The following MIPEP variants were observed in gnomAD, a reference collection of about 807,000 sequenced individuals.
The protein encoded by MIPEP is mitochondrial intermediate peptidase.
In MIPEP, 79 loss-of-function variants were observed where a neutral mutation model predicts 90.3. The observed-to-expected ratio is 0.87, with a 90% CI of 0.73 to 1.05. The LOEUF (loss-of-function observed/expected upper bound fraction) is 1.05, where lower values mean the gene tolerates loss of function less well. Ranked by LOEUF, MIPEP falls within the 50% of genes least tolerant of loss-of-function variation. MIPEP has a pLI of 0.00. For synonymous variants in MIPEP, 334 were observed against 315.8 expected, an observed-to-expected ratio of 1.06 and a Z score of -0.61; for missense variants, 940 against 905.6, an observed-to-expected ratio of 1.04 and a Z score of -0.49.
rs1248530979 is a variant in MIPEP at position 23,874,928 on chromosome 13, C to A, written c.540-19G>T. The A allele has an allele frequency of 6.3e-7, 1 of 1,577,010 alleles. No homozygotes were observed. Among genetic ancestry groups the A allele is most frequent in the African/African-American group, 1.4e-5 (1 of 72,288 alleles). On this transcript the variant is annotated intron_variant, in intron 4 of 18. Transcript: ENST00000382172. ...CACTCGCCTATAAATGAAATGAGCC[C>A]CAGGTTATAACAGGTAATAAAAATT...
At chr13:23,828,906 T>A (rs558115056) in intron 14 of MIPEP, among the ~76,000 whole-genome samples, 76 of 152,122 alleles carry the variant, frequency 5.0e-4, no homozygotes, top group African/African-American at 1.7e-3. Flanking sequence ...TATCAAGGCT[T>A]ATTATTACTT....
chr13:23,887,712 G>A (rs1388164500), intron 1 of MIPEP, among the ~76,000 whole-genome samples: 1 of 152,176 alleles, frequency 6.6e-6, no homozygotes, highest in African/African-American at 2.4e-5. Flanking sequence ...TCACTTTGTA[G>A]GTGCTTAACG....
At chr13:23,885,103 T>G (rs143060003) in intron 2 of MIPEP, among the ~76,000 whole-genome samples, 7 of 152,314 alleles carry the variant, frequency 4.6e-5, no homozygotes, top group African/African-American at 1.7e-4. Flanking sequence ...TTACACACAA[T>G]GGAATGCTAT....
At chr13:23,876,767 TTC>T (rs1871091186) in intron 4 of MIPEP, among the ~76,000 whole-genome samples, 1 of 152,202 alleles carries the variant, frequency 6.6e-6, no homozygotes, top group Non-Finnish European at 1.5e-5. Flanking sequence ...CAATGAATCT[TTC>T]TGTTGTATGA....
At chr13:23,770,230 C>T (rs1429318629) in intron 16 of MIPEP, among the ~76,000 whole-genome samples, 1 of 152,140 alleles carries the variant, frequency 6.6e-6, no homozygotes, top group African/African-American at 2.4e-5. Context: ...TGTCACTCTC[C>T]CGTTGTTCAC....
chr13:23,776,109 C>A (rs1317198327), intron 16 of MIPEP, among the ~76,000 whole-genome samples: 5 of 152,132 alleles, frequency 3.3e-5, no homozygotes, highest in Non-Finnish European at 5.9e-5. Context: ...ATCACCCATA[C>A]TGAAACCTTA....
In MIPEP at chr13:23,870,030, CTGCGTG is replaced by C. The variant is rs1593202090; in HGVS notation, c.763_768del (p.His255_Ala256del). The C allele has an allele frequency of 4.4e-6, 7 of 1,595,914 alleles. No homozygotes were observed. The highest frequency in any genetic ancestry group is 6.0e-6 in the Non-Finnish European group (7 of 1,170,570). ...ATACATACCAAGTCATCTGGTGATT[CTGCGTG>C]GAGACCATCAATTATGATATGATCC... On this transcript the variant is annotated inframe_deletion, in exon 6 of 19. Transcript: ENST00000382172.
intron 5 of MIPEP, among the ~76,000 whole-genome samples, chr13:23,873,214 C>T (rs1343687267): frequency 6.6e-6 from 1 of 152,214 alleles, no homozygotes; most frequent in Non-Finnish European, 1.5e-5. Context: ...GGACAGCAAA[C>T]ACATGGGGGA....
intron 14 of MIPEP, among the ~76,000 whole-genome samples, chr13:23,833,066 A>G (rs1035016296): frequency 2.1e-4 from 32 of 152,156 alleles, no homozygotes; most frequent in Admixed American, 2.1e-3. Flanking sequence ...TCTGGAATAT[A>G]TTTCATAATG....
intron 14 of MIPEP, among the ~76,000 whole-genome samples, chr13:23,814,419 G>A (rs955758043): frequency 1.3e-5 from 2 of 151,968 alleles, no homozygotes; most frequent in African/African-American, 4.8e-5. Context: ...CCGCCACCAC[G>A]CCTGGCTAAT....
At chr13:23,830,074 C>T (rs1320675205) in intron 14 of MIPEP, among the ~76,000 whole-genome samples, 3 of 152,170 alleles carry the variant, frequency 2.0e-5, no homozygotes, top group Admixed American at 6.5e-5. Context: ...GCACCCCTTA[C>T]AAATCCAGCA....
chr13:23,844,996 C>T (rs1869469469), intron 10 of MIPEP, among the ~76,000 whole-genome samples: 1 of 152,122 alleles, frequency 6.6e-6, no homozygotes, highest in Non-Finnish European at 1.5e-5. Flanking sequence ...ACTATGCCCA[C>T]CCCCAGAGGT....
chr13:23,865,642 AT>A (rs1423463039), intron 7 of MIPEP, among the ~76,000 whole-genome samples: 3 of 150,080 alleles, frequency 2.0e-5, no homozygotes, highest in Non-Finnish European at 3.0e-5. Flanking sequence ...TCTTCCAGTC[AT>A]TTTACATGTG....
intron 10 of MIPEP, among the ~76,000 whole-genome samples, chr13:23,856,464 T>C (rs989774610): frequency 1.3e-5 from 2 of 152,230 alleles, no homozygotes; most frequent in African/African-American, 4.8e-5. Flanking sequence ...TTGTGGGCTG[T>C]TGGCAGCTAT....
chr13:23,871,582 T>C (rs1408828220), intron 5 of MIPEP, among the ~76,000 whole-genome samples: 2 of 152,232 alleles, frequency 1.3e-5, no homozygotes. Context: ...TAACAAGTTC[T>C]AAACTGTTCT....
chr13:23,879,441 C>G, intron 3 of MIPEP, 87 bp from the exon 4 acceptor site: 1 of 709,424 alleles, frequency 1.4e-6, no homozygotes, highest in South Asian at 1.7e-5. Flanking sequence ...TCAGCTTGTA[C>G]CACACACATG....
chr13:23,854,699 C>T (rs1252678052), intron 10 of MIPEP, among the ~76,000 whole-genome samples: 1 of 151,768 alleles, frequency 6.6e-6, no homozygotes, highest in Admixed American at 6.6e-5. Context: ...TGAGATCAGC[C>T]TGGCCAAAAC....
rs181059130 is a variant in MIPEP at position 23,862,382 on chromosome 13, T to C, written c.993-20A>G. ...AGAGTTCTATAAAACAGGTTTATCA[T>C]TACTTGTTAGGACAAAATTTTAACA... On this transcript the variant is annotated intron_variant, in intron 8 of 18. Transcript: ENST00000382172. The C allele has an allele frequency of 8.8e-4, 1,311 of 1,483,756 alleles. 3 individuals carry two copies. The highest frequency in any genetic ancestry group is 4.4e-3 in the Middle Eastern group (24 of 5,442). The allele number at this position is 1,483,756 out of a possible 1,614,324, so 91.9% of individuals were successfully genotyped here. A position where few individuals can be genotyped will look rare whatever the true frequency, so the allele number is the denominator to read the frequency against.
chr13:23,756,872 G>A (rs1952495616), intron 17 of MIPEP: 3 of 474,570 alleles, frequency 6.3e-6, no homozygotes, highest in African/African-American at 5.9e-5. Flanking sequence ...GTTAACAAGA[G>A]ACCTCACTTT....
Sources: gnomAD v4.1 joint callset for allele counts (sites outside exome capture counted in the v4.1 genomes callset) on GRCh38, gnomAD v4.1.1 for gene constraint, MANE v1.5 for transcripts, NCBI Gene and HGNC (gene_info 2026-07-23, HGNC 2026-07-21) for gene names.